Variants in SET observed in about 807,000 individuals in gnomAD.
The protein encoded by SET is protein SET.
Under a neutral mutation model 39.0 loss-of-function variants are expected in SET, and 4 were observed. The observed-to-expected ratio is 0.10, with a 90% CI of 0.05 to 0.23. The LOEUF is 0.23. SET is among the 10% of genes least tolerant of loss of function. The pLI is 1.00. For missense variants in SET, 137 were observed against 329.7 expected (o/e 0.42, Z 4.53); for synonymous variants, 114 against 115.9 (o/e 0.98, Z 0.11).
At chr9:128,691,691 CAA>C (rs924973274) in intron 2 of SET, among the ~76,000 whole-genome samples, 165 bp from the exon 3 acceptor site, 17 of 152,248 alleles carry the variant, frequency 1.1e-4, no homozygotes, top group African/African-American at 4.1e-4. Context: ...ATAAATCAGA[CAA>C]AATTGCCATC....
At chr9:128,688,893 C>T (rs949239987), upstream of SET, among the ~76,000 whole-genome samples, 1 of 152,068 alleles carries the variant, frequency 6.6e-6, no homozygotes, top group Non-Finnish European at 1.5e-5. Flanking sequence ...GCTCCCGGTG[C>T]CCCGCGGAGC....
At chr9:128,690,004 TCAG>T in intron 1 of SET, 1 of 1,023,366 alleles carries the variant, frequency 9.8e-7, no homozygotes, top group Non-Finnish European at 1.2e-6. Flanking sequence ...CTCGCTCCCA[TCAG>T]CCGCCGCCGC....
chr9:128,684,020 G>A (rs538070221), intron 1 of SET: 8 of 1,528,032 alleles, frequency 5.2e-6, no homozygotes, highest in African/African-American at 4.1e-5. Flanking sequence ...ACGTTTCTGC[G>A]CTAAGTTTTA....
In SET at chr9:128,692,764, T is replaced by G; in HGVS notation, c.377T>G (p.Phe126Cys). 1 of 1,588,762 alleles carries G rather than the reference T, an allele frequency of 6.3e-7. No individual in the cohort carries two copies. The highest frequency in any genetic ancestry group is 8.6e-7 in the Non-Finnish European group (1 of 1,156,950). ...EDIKSGYRIDFYFDENPYFEN... is the reference protein window; with the variant it reads ...EDIKSGYRIDCYFDENPYFEN... The stretch of plus-strand genomic sequence containing the variant: ...ATTAAATCAGGTTACAGAATAGATT[T>G]TGTAAGTATCTCTAACTTAATCTTG... Residue 126 changes from phenylalanine (F) to cysteine (C), a missense_variant and splice_region_variant, in exon 4 of 8, where the codon TTT (phenylalanine) becomes TGT (cysteine). This residue lies in a region of SET where 59 missense variants were observed against 237.2 expected (regional missense o/e 0.25). Transcript: ENST00000322030.
chr9:128,695,138 T>C lies in SET; in HGVS notation c.*474T>C, dbSNP rs1861687006. On this transcript the variant is annotated 3_prime_UTR_variant, in exon 8 of 8. Transcript: ENST00000322030. ...CAACATGTATCTGTCTACTTTCTCTTGTTTAAAAAAAGAAAAAAAAACTTA... is the reference window on the plus strand; with the variant it reads ...CAACATGTATCTGTCTACTTTCTCTCGTTTAAAAAAAGAAAAAAAAACTTA... The C allele has an allele frequency of 8.9e-6, 2 of 224,172 alleles. No homozygotes were observed. The highest frequency in any genetic ancestry group is 4.4e-5 in the African/African-American group (2 of 44,982). 13.9% of individuals were successfully genotyped at this position (224,172 alleles called of 1,614,324 possible).
chr9:128,684,239 G>C (rs1285761057), upstream of SET, among the ~76,000 whole-genome samples: 6 of 152,044 alleles, frequency 3.9e-5, no homozygotes, highest in African/African-American at 7.2e-5. Flanking sequence ...CCCTGAGCTT[G>C]TCTCCCCAGC....
At position 128,691,935 on chromosome 9, in the gene SET, A is replaced by G; in HGVS notation, c.209A>G (p.Lys70Arg). Residue 70 changes from lysine (K) to arginine (R), a missense_variant, in exon 3 of 8, where the codon AAG becomes AGG. Around this residue, in one of 3 missense-constraint regions of SET, gnomAD observed 59 missense variants for 237.2 expected, o/e 0.25. Transcript: ENST00000322030. Reference sequence around the variant, plus strand: ...AAACTCCGCCAACCATTTTTTCAGAAGAGGTCAGAATTGATCGCCAAAATC... The same window carrying G: ...AAACTCCGCCAACCATTTTTTCAGAGGAGGTCAGAATTGATCGCCAAAATC... ...YNKLRQPFFQ[K>R]RSELIAKIPN... 1 of 1,613,794 alleles carries G rather than the reference A, an allele frequency of 6.2e-7. No homozygotes were observed. Among genetic ancestry groups the G allele is most frequent in the Non-Finnish European group, 8.5e-7 (1 of 1,179,832 alleles).
upstream of SET, among the ~76,000 whole-genome samples, chr9:128,688,521 C>T (rs1416538573): frequency 1.3e-5 from 2 of 152,098 alleles, no homozygotes; most frequent in African/African-American, 2.4e-5. Context: ...GCGCTGGGCA[C>T]CGCGGACTAA....
intron 3 of SET, 54 bp from the exon 4 acceptor site, chr9:128,692,605 ATTG>A (rs992643826): frequency 3.7e-5 from 43 of 1,164,904 alleles, no homozygotes; most frequent in Admixed American, 2.8e-4. Context: ...GATCACTTAA[ATTG>A]TTGTTAGTGT....
chr9:128,695,248 T>C lies in SET; in HGVS notation c.*584T>C, dbSNP rs1339623448. The C allele has an allele frequency of 1.4e-5, 3 of 221,740 alleles. No individual in the cohort carries two copies. Among genetic ancestry groups the C allele is most frequent in the African/African-American group, 6.7e-5 (3 of 44,924 alleles). The allele number at this position is 221,740 out of a possible 1,614,324, so 13.7% of individuals were successfully genotyped here. On this transcript the variant is annotated 3_prime_UTR_variant, in exon 8 of 8. Coordinates refer to ENST00000322030, the MANE Select transcript of SET (RefSeq NM_003011.4). ...GTGGGCATTTTGACAACATGGCTTC[T>C]CCTTTGGCATGTTTAATTGTGATAT...
At chr9:128,687,613 C>G (rs1861329760), upstream of SET, among the ~76,000 whole-genome samples, 1 of 86,770 alleles carries the variant, frequency 1.2e-5, no homozygotes, top group South Asian at 5.4e-4. Context: ...GTCCCCTCCC[C>G]CACCAAAAAA....
rs150832256 is a variant in SET, at chr9:128,693,663, C to T, written c.518C>T (p.Thr173Met). The change falls in exon 6 of 8, where the codon ACG becomes ATG. Residue 173 changes from threonine (T) to methionine (M), a missense_variant. Thr to Met is a moderately conservative substitution (Grantham distance 81, BLOSUM62 -1). This residue lies in a region of SET where 59 missense variants were observed against 237.2 expected (regional missense o/e 0.25). Transcript: ENST00000322030. ...GATTTGACGAAACGTTCGAGTCAAA[C>T]GCAGAATAAAGCCAGCAGGAAGAGG... is the stretch of plus-strand genomic sequence containing the variant. Reference protein sequence around the residue: ...GKDLTKRSSQTQNKASRKRQH... With the variant: ...GKDLTKRSSQMQNKASRKRQH... 337 of 1,612,654 alleles carry T rather than the reference C, an allele frequency of 2.1e-4. 1 individual carries two copies. The highest frequency in any genetic ancestry group is 5.5e-5 in the South Asian group (5 of 90,816).
upstream of SET, among the ~76,000 whole-genome samples, chr9:128,687,636 AAAG>A (rs1316375005): frequency 6.6e-5 from 10 of 151,516 alleles, no homozygotes; most frequent in Admixed American, 2.0e-4. Context: ...AAAAAAAAAA[AAAG>A]AGCCAATGGT....
chr9:128,686,887 G>C (rs1353537687), upstream of SET, among the ~76,000 whole-genome samples: 1 of 152,118 alleles, frequency 6.6e-6, no homozygotes, highest in Admixed American at 6.6e-5. Context: ...AGGCTGAGGT[G>C]TAAGAATCCC....
rs1440868353 is a variant in SET at position 128,695,189 on chromosome 9, C to T, written c.*525C>T. 4.5e-6 allele frequency: 1 copy of T among 222,276 alleles called. No homozygotes were observed. Among genetic ancestry groups the T allele is most frequent in the Admixed American group, 5.7e-5 (1 of 17,496 alleles). The allele number at this position is 222,276 out of a possible 1,614,324, so 13.8% of individuals were successfully genotyped here. A position where few individuals can be genotyped will look rare whatever the true frequency, so the allele number is the denominator to read the frequency against. ...AAAAAATGGGGTTATAGAAGGTCAG[C>T]AAAGGGTGGGTTTGAGATGTTTGGG... On this transcript the variant is annotated 3_prime_UTR_variant, in exon 8 of 8. Coordinates refer to ENST00000322030, the MANE Select transcript of SET (RefSeq NM_003011.4).
chr9:128,691,544 G>A (rs932426938), intron 2 of SET, among the ~76,000 whole-genome samples: 2 of 152,170 alleles, frequency 1.3e-5, no homozygotes, highest in African/African-American at 4.8e-5. Flanking sequence ...TTATGGATTA[G>A]CCACTTTATT....
chr9:128,685,047 A>C, upstream of SET: 1 of 1,497,314 alleles, frequency 6.7e-7, no homozygotes, highest in African/African-American at 1.4e-5. Context: ...AGGAAACGGG[A>C]AGCTTTGATT....
In SET at chr9:128,689,476, C is replaced by T. The variant is rs1305947908; in HGVS notation, c.-107C>T. ...CGAGCGCCGGGAGGAGGCGGCCGGACCGAGCGGGCGCCCGCGCGTGTGGCG... is the reference window on the plus strand; with the variant it reads ...CGAGCGCCGGGAGGAGGCGGCCGGATCGAGCGGGCGCCCGCGCGTGTGGCG... On this transcript the variant is annotated 5_prime_UTR_variant, in exon 1 of 8. Transcript: ENST00000322030. 24 of 650,528 alleles carry T rather than the reference C, an allele frequency of 3.7e-5. No homozygotes were observed. The highest frequency in any genetic ancestry group is 5.0e-5 in the Non-Finnish European group (24 of 475,924). 40.3% of individuals were successfully genotyped at this position (650,528 alleles called of 1,614,324 possible). A position where few individuals can be genotyped will look rare whatever the true frequency, so the allele number is the denominator to read the frequency against.
intron 1 of SET, chr9:128,690,963 T>A: frequency 3.2e-6 from 2 of 626,726 alleles, no homozygotes; most frequent in East Asian, 5.7e-5. Flanking sequence ...AATTTCTGAG[T>A]AAACCAGCAG....
Sources: gnomAD v4.1 joint callset for allele counts (sites outside exome capture counted in the v4.1 genomes callset) on GRCh38, gnomAD v4.1.1 for gene constraint, gnomAD v4.1.1 regional missense constraint, MANE v1.5 for transcripts, NCBI Gene and HGNC (gene_info 2026-07-23, HGNC 2026-07-21) for gene names.